The following ADAMTSL1 variants were observed in gnomAD, a reference collection of about 807,000 sequenced individuals.
ADAMTSL1 encodes the protein ADAMTS like 1.
ADAMTSL1 carries 126 observed loss-of-function variants against 201.8 expected under a neutral mutation model. The ratio of observed to expected loss-of-function variants is 0.62; its 90% CI spans 0.54 to 0.72. ADAMTSL1 has a LOEUF of 0.72. Among genes scored for constraint, ADAMTSL1 ranks in the 30% least tolerant of loss-of-function variants. ADAMTSL1 has a pLI of 0.00. For missense variants in ADAMTSL1, 2,679 were observed against 2,277.8 expected, an observed-to-expected ratio of 1.18 and a Z score of -3.59; for synonymous variants, 1,121 against 903.4, an observed-to-expected ratio of 1.24 and a Z score of -4.32.
At chr9:18,689,046 G>C (rs1021473645) in intron 13 of ADAMTSL1, among the ~76,000 whole-genome samples, 7 of 151,978 alleles carry the variant, frequency 4.6e-5, no homozygotes, top group Non-Finnish European at 7.4e-5. Flanking sequence ...CCATCTGGTT[G>C]CTTTCATGGA....
intron 25 of ADAMTSL1, among the ~76,000 whole-genome samples, chr9:18,891,533 A>C (rs1235773260): frequency 3.3e-5 from 5 of 152,236 alleles, no homozygotes; most frequent in Admixed American, 6.5e-5. Context: ...CCTAGTTTAC[A>C]GGTGGGCTTT....
intron 15 of ADAMTSL1, among the ~76,000 whole-genome samples, chr9:18,741,313 G>C (rs1388204664): frequency 1.3e-5 from 2 of 151,736 alleles, no homozygotes; most frequent in African/African-American, 4.8e-5. Flanking sequence ...ACACATGTGA[G>C]TGGCTGAATA....
intron 2 of ADAMTSL1, among the ~76,000 whole-genome samples, chr9:18,291,284 T>C (rs1304104173): frequency 6.6e-6 from 1 of 152,172 alleles, no homozygotes; most frequent in Non-Finnish European, 1.5e-5. Flanking sequence ...AAAATTAAAA[T>C]TGATTTCATA....
At chr9:17,996,525 T>C (rs1819389257) in intron 1 of ADAMTSL1, among the ~76,000 whole-genome samples, 1 of 152,126 alleles carries the variant, frequency 6.6e-6, no homozygotes, top group Non-Finnish European at 1.5e-5. Context: ...GAATTAATTC[T>C]TGGAGAACTT....
At chr9:18,153,194 T>C (rs1826995528) in intron 1 of ADAMTSL1, among the ~76,000 whole-genome samples, 1 of 152,002 alleles carries the variant, frequency 6.6e-6, no homozygotes, top group Non-Finnish European at 1.5e-5. Context: ...GCCAACTCTT[T>C]GAAGAGACAA....
At chr9:18,653,280 G>A (rs1828411546) in intron 7 of ADAMTSL1, among the ~76,000 whole-genome samples, 1 of 152,132 alleles carries the variant, frequency 6.6e-6, no homozygotes, top group Admixed American at 6.5e-5. Flanking sequence ...TCTGGTCATT[G>A]GTTTCCTGTC....
intron 2 of ADAMTSL1, among the ~76,000 whole-genome samples, chr9:18,506,027 T>C (rs975840434): frequency 6.6e-6 from 1 of 152,190 alleles, no homozygotes; most frequent in African/African-American, 2.4e-5. Flanking sequence ...TCACTGGAAA[T>C]GTTATAACCT....
intron 1 of ADAMTSL1, among the ~76,000 whole-genome samples, chr9:17,997,645 G>A (rs898785931): frequency 4.6e-5 from 7 of 152,016 alleles, no homozygotes; most frequent in Admixed American, 2.6e-4. Context: ...TGAAAAAGGT[G>A]CTGGCTCTTG....
At chr9:18,420,917 C>T (rs1269736825) in intron 2 of ADAMTSL1, among the ~76,000 whole-genome samples, 1 of 152,158 alleles carries the variant, frequency 6.6e-6, no homozygotes, top group Non-Finnish European at 1.5e-5. Flanking sequence ...CCTTGGCCCT[C>T]TGAGAAAATG....
intron 3 of ADAMTSL1, among the ~76,000 whole-genome samples, chr9:18,552,155 A>C (rs886634105): frequency 1.3e-5 from 2 of 151,802 alleles, no homozygotes; most frequent in Non-Finnish European, 2.9e-5. Flanking sequence ...AACTTATTTT[A>C]GTGTACTTTT....
intron 2 of ADAMTSL1, among the ~76,000 whole-genome samples, chr9:18,328,730 G>A (rs372080146): frequency 6.6e-6 from 1 of 152,170 alleles, no homozygotes; most frequent in Non-Finnish European, 1.5e-5. Context: ...ACGTGGATGA[G>A]GAATAGTTTG....
intron 1 of ADAMTSL1, among the ~76,000 whole-genome samples, chr9:17,972,010 G>A (rs1818223321): frequency 2.6e-5 from 4 of 151,638 alleles, no homozygotes; most frequent in South Asian, 4.2e-4. Context: ...TATTTAAGGC[G>A]TACAATGTGA....
intron 2 of ADAMTSL1, among the ~76,000 whole-genome samples, chr9:18,335,285 G>T (rs950855661): frequency 2.0e-5 from 3 of 151,992 alleles, no homozygotes; most frequent in Admixed American, 2.0e-4. Context: ...ATTCTAGGCA[G>T]CTATTCAACT....
At chr9:18,031,589 A>G (rs772937236) in intron 1 of ADAMTSL1, among the ~76,000 whole-genome samples, 16 of 152,272 alleles carry the variant, frequency 1.1e-4, no homozygotes, top group African/African-American at 3.4e-4. Context: ...CTTGATGCAT[A>G]TGTAGCAGTG....
Position 18,303,667 on chromosome 9 carries a change from C to T in ADAMTSL1, c.207+139686C>T, listed in dbSNP as rs181980193. The stretch of plus-strand genomic sequence containing the variant: ...CAAGAGTCAGGAGAGGAAGAGAGAG[C>T]GCGGAAAGGCAGGGATGGGGGTATG... On this transcript the variant is annotated intron_variant, in intron 2 of 29. Coordinates refer to the ADAMTSL1 transcript ENST00000680146. Among the ~76,000 whole-genome samples, 28 of 152,106 alleles carry T rather than the reference C, an allele frequency of 1.8e-4. No homozygotes were observed. The East Asian group carries it at 4.4e-3, about 24-fold the overall frequency.
chr9:17,931,557 T>A (rs186873146), intron 1 of ADAMTSL1, among the ~76,000 whole-genome samples: 2 of 152,330 alleles, frequency 1.3e-5, no homozygotes, highest in East Asian at 3.9e-4. Context: ...GCAAATTGGT[T>A]GTTTTTCAAG....
chr9:18,684,442 T>C (rs1426899391), intron 12 of ADAMTSL1, among the ~76,000 whole-genome samples: 1 of 152,238 alleles, frequency 6.6e-6, no homozygotes, highest in East Asian at 1.9e-4. Context: ...ATTGAGCTAG[T>C]GCTCCTACAC....
At chr9:17,962,456 T>C (rs188689930) in intron 1 of ADAMTSL1, among the ~76,000 whole-genome samples, 17 of 152,330 alleles carry the variant, frequency 1.1e-4, no homozygotes, top group African/African-American at 4.1e-4. Flanking sequence ...ATTTTTCATC[T>C]CTCAGTACTG....
At chr9:18,000,109 G>C (rs550742465) in intron 1 of ADAMTSL1, among the ~76,000 whole-genome samples, 1 of 150,674 alleles carries the variant, frequency 6.6e-6, no homozygotes, top group East Asian at 2.0e-4. Context: ...TAGTCATATG[G>C]GTATATACCC....
Sources: gnomAD v4.1 joint callset for allele counts (sites outside exome capture counted in the v4.1 genomes callset) on GRCh38, gnomAD v4.1.1 for gene constraint, MANE v1.5 for transcripts, NCBI Gene and HGNC (gene_info 2026-07-23, HGNC 2026-07-21) for gene names.